Variants in TANC1 observed in about 807,000 individuals in gnomAD.
The protein encoded by TANC1 is tetratricopeptide repeat, ankyrin repeat and coiled-coil containing 1.
TANC1 carries 77 observed loss-of-function variants against 149.7 expected under a neutral mutation model. The observed-to-expected ratio is 0.51, with a 90% CI of 0.43 to 0.62. The LOEUF (loss-of-function observed/expected upper bound fraction) is 0.62. Ranked by LOEUF, TANC1 falls within the 20% of genes least tolerant of loss-of-function variation. The pLI is 0.00. For synonymous variants in TANC1, 854 were observed against 925.0 expected (o/e 0.92, Z 1.39); for missense variants, 1,985 against 2,321.8 (o/e 0.85, Z 2.98).
intron 4 of TANC1, among the ~76,000 whole-genome samples, chr2:159,120,357 G>A (rs563391340): frequency 1.3e-5 from 2 of 151,954 alleles, no homozygotes; most frequent in Non-Finnish European, 2.9e-5. Context: ...GGAGTAGTTT[G>A]TTTATTTTTT....
rs1330014770 is a variant in TANC1, at chr2:159,198,994, G to C, written c.3185G>C (p.Gly1062Ala). Residue 1062 changes from glycine to alanine, a missense_variant, in exon 19 of 27, where the codon GGG becomes GCG. Gly to Ala is a moderately conservative substitution (Grantham distance 60, BLOSUM62 0). Coordinates refer to ENST00000263635, the MANE Select transcript of TANC1 (RefSeq NM_033394.3). ...TGACAGGTGGTCCAGTGCTTGCTGG[G>C]GATGGAGAAGGAACATGAAGTAGAA... is the stretch of plus-strand genomic sequence containing the variant. ...GHSSVVQCLL[G>A]MEKEHEVEVN... The C allele has an allele frequency of 6.2e-7, 1 of 1,613,988 alleles. No individual in the cohort carries two copies. Among genetic ancestry groups the C allele is most frequent in the African/African-American group, 1.3e-5 (1 of 75,022 alleles).
Position 159,204,477 on chromosome 2 carries a change from GC to G in TANC1, c.3244+5428del, listed in dbSNP as rs1461132715. 4.6e-5 allele frequency among the ~76,000 whole-genome samples: 7 copies of G among 152,322 alleles called. No individual in the cohort carries two copies. The South Asian group carries it at 1.5e-3, about 32-fold the overall frequency. ...AATAGCCAAGCATGGTGTGGGCATA[GC>G]CCCATCTGTGTCCATAACATCTCCC... is the stretch of plus-strand genomic sequence containing the variant. On this transcript the variant is annotated intron_variant, in intron 19 of 26. Transcript: ENST00000263635.
chr2:159,001,968 G>A lies in TANC1; in HGVS notation c.-16+779G>A, dbSNP rs1316792319. Among the ~76,000 whole-genome samples the A allele has an allele frequency of 6.6e-6, 1 of 152,174 alleles. No individual in the cohort carries two copies. On this transcript the variant is annotated intron_variant, in intron 2 of 26. Coordinates refer to ENST00000263635, the MANE Select transcript of TANC1 (RefSeq NM_033394.3). This position sits in a 1 kb window ranked among gnomAD's most constrained non-coding sequence, Gnocchi z 4.3. ...GGGATAGAGGAGCAGCTAGACCAAA[G>A]GAATGAGAAGTCGGATGGACAGGAC...
At position 159,175,188 on chromosome 2, in the gene TANC1, C is replaced by T. The variant is rs2055708136; in HGVS notation, c.1735+4C>T. 1.2e-6 allele frequency: 2 copies of T among 1,609,936 alleles called. No individual in the cohort carries two copies. The highest frequency in any genetic ancestry group is 1.3e-5 in the African/African-American group (1 of 74,950). ...CCACTCACAAACCTGAGAAATGGTA[C>T]TTCGCAGCAGCTACCCACAGCCCCA... is the stretch of plus-strand genomic sequence containing the variant. On this transcript the variant is annotated splice_donor_region_variant and intron_variant, in intron 12 of 26. Coordinates refer to ENST00000263635, the MANE Select transcript of TANC1 (RefSeq NM_033394.3).
At chr2:159,003,861 T>C in intron 2 of TANC1, 1 of 1,611,650 alleles carries the variant, frequency 6.2e-7, no homozygotes, top group Non-Finnish European at 8.5e-7. Context: ...CAAGAAAAGT[T>C]AGCCAAACTT....
At chr2:158,984,835 G>A (rs1457801783) in intron 1 of TANC1, among the ~76,000 whole-genome samples, 3 of 152,190 alleles carry the variant, frequency 2.0e-5, no homozygotes, top group South Asian at 4.1e-4. Context: ...AACACAAGTT[G>A]TGTTTGGGGT....
At chr2:159,124,763 A>AG (rs1417889078) in intron 4 of TANC1, among the ~76,000 whole-genome samples, 2 of 151,016 alleles carry the variant, frequency 1.3e-5, no homozygotes, top group African/African-American at 4.9e-5. Flanking sequence ...TTCCAGAGAC[A>AG]GGGCCTCATT....
intron 7 of TANC1, among the ~76,000 whole-genome samples, chr2:159,162,230 T>G (rs961350599): frequency 9.9e-5 from 15 of 152,202 alleles, no homozygotes; most frequent in Non-Finnish European, 4.4e-5. Context: ...TGTATCATCT[T>G]GGTGTGTGGC....
intron 3 of TANC1, among the ~76,000 whole-genome samples, chr2:159,075,715 C>T (rs2149756057): frequency 6.6e-6 from 1 of 151,630 alleles, no homozygotes; most frequent in Non-Finnish European, 1.5e-5. Context: ...TTTATTGTAC[C>T]AATGTACCAT....
At chr2:158,983,660 A>G (rs2034684576) in intron 1 of TANC1, among the ~76,000 whole-genome samples, 1 of 152,104 alleles carries the variant, frequency 6.6e-6, no homozygotes, top group Non-Finnish European at 1.5e-5. Context: ...GTTTAGAACA[A>G]TACACTTTAT....
At chr2:159,164,126 A>G (rs2054333723) in intron 8 of TANC1, among the ~76,000 whole-genome samples, 1 of 152,016 alleles carries the variant, frequency 6.6e-6, no homozygotes, top group Non-Finnish European at 1.5e-5. Context: ...CAAAGAAGAA[A>G]CCACAAAGGC....
intron 2 of TANC1, among the ~76,000 whole-genome samples, chr2:159,025,450 C>G (rs1356242554): frequency 6.6e-6 from 1 of 152,034 alleles, no homozygotes; most frequent in Non-Finnish European, 1.5e-5. Context: ...ATTTTATCCC[C>G]AGCAATTTAA....
intron 1 of TANC1, among the ~76,000 whole-genome samples, chr2:158,981,774 T>A (rs561099143): frequency 1.3e-5 from 2 of 151,794 alleles, no homozygotes; most frequent in South Asian, 4.2e-4. Context: ...AGTATCTGAG[T>A]TGTGATGGTA....
chr2:159,096,759 G>A (rs1012315273), intron 3 of TANC1, among the ~76,000 whole-genome samples: 2 of 152,138 alleles, frequency 1.3e-5, no homozygotes, highest in African/African-American at 4.8e-5. Context: ...GCAGGTGACC[G>A]GGATGAGTCA....
intron 2 of TANC1, among the ~76,000 whole-genome samples, chr2:159,009,145 A>G (rs1371118763): frequency 6.6e-6 from 1 of 152,190 alleles, no homozygotes; most frequent in Admixed American, 6.5e-5. Context: ...GTTTAAAACT[A>G]TGTACGTTAA....
rs759623519 is a variant in TANC1 at position 159,175,112 on chromosome 2, C to T, written c.1663C>T (p.Arg555Ter). The stretch of plus-strand genomic sequence containing the variant: ...CCAACTACAGAGCATGCTGAGCCTC[C>T]GATCCTGTGTGCAGGACCCGGTGGC... ...EPQLQSMLSL[R>*]SCVQDPVAAF... is the part of the protein sequence containing the mutation. Residue 555 changes from arginine (R) to a stop codon, truncating the protein, a stop_gained, in exon 12 of 27, where the codon CGA becomes TGA. Coordinates refer to ENST00000263635, the MANE Select transcript of TANC1 (RefSeq NM_033394.3). LOFTEE classifies it high-confidence loss of function. 1.2e-6 allele frequency: 2 copies of T among 1,614,166 alleles called. No homozygotes were observed. Among genetic ancestry groups the T allele is most frequent in the East Asian group, 2.2e-5 (1 of 44,888 alleles).
intron 19 of TANC1, among the ~76,000 whole-genome samples, chr2:159,209,827 A>G (rs1198256657): frequency 6.6e-6 from 1 of 152,218 alleles, no homozygotes; most frequent in Non-Finnish European, 1.5e-5. Context: ...AGGGTCAAGC[A>G]TCACTGCCTT....
chr2:159,169,379 A>G lies in TANC1; in HGVS notation c.1069+7A>G, dbSNP rs376719168. Reference sequence around the variant, plus strand: ...AGGGCACAGGAAGTTAAAGGTATTTATCCTGGCATCAGCTGCGATAATGGT... The same window carrying G: ...AGGGCACAGGAAGTTAAAGGTATTTGTCCTGGCATCAGCTGCGATAATGGT... On this transcript the variant is annotated splice_region_variant and intron_variant, in intron 9 of 26. Coordinates refer to ENST00000263635, the MANE Select transcript of TANC1 (RefSeq NM_033394.3). 3 of 1,613,282 alleles carry G rather than the reference A, an allele frequency of 1.9e-6. No individual in the cohort carries two copies. Among genetic ancestry groups the G allele is most frequent in the Admixed American group, 1.7e-5 (1 of 59,884 alleles).
chr2:159,096,020 TG>T (rs2046088921), intron 3 of TANC1, among the ~76,000 whole-genome samples: 1 of 152,144 alleles, frequency 6.6e-6, no homozygotes, highest in African/African-American at 2.4e-5. Flanking sequence ...TTTTTTGGTT[TG>T]TTTTTGGAGC....
Sources: allele counts gnomAD v4.1 joint callset (sites outside exome capture counted in the v4.1 genomes callset), GRCh38; gene constraint gnomAD v4.1.1; non-coding constraint Gnocchi (gnomAD v3.1); transcripts MANE v1.5; gene names NCBI Gene and HGNC (gene_info 2026-07-23, HGNC 2026-07-21).